The following PHLPP1 variants were observed in gnomAD, a reference collection of about 807,000 sequenced individuals.
The protein encoded by PHLPP1 is PH domain and leucine rich repeat protein phosphatase 1.
In PHLPP1, 42 loss-of-function variants were observed where a neutral mutation model predicts 117.2. The ratio of observed to expected loss-of-function variants is 0.36; its 90% CI spans 0.28 to 0.46. The LOEUF (loss-of-function observed/expected upper bound fraction) is 0.46, where lower values mean the gene tolerates loss of function less well. Among genes scored for constraint, PHLPP1 ranks in the 20% least tolerant of loss-of-function variants. The pLI, the probability that PHLPP1 is intolerant of heterozygous loss-of-function variation, is 1.00. For synonymous variants in PHLPP1, 1,042 were observed against 970.7 expected (o/e 1.07, Z -1.37); for missense variants, 2,084 against 2,241.9 (o/e 0.93, Z 1.42).
intron 12 of PHLPP1, among the ~76,000 whole-genome samples, chr18:62,946,671 G>A (rs1276787616): frequency 6.6e-6 from 1 of 152,218 alleles, no homozygotes; most frequent in African/African-American, 2.4e-5. Context: ...GCATGTGCAC[G>A]TATGCTTTAA....
At chr18:62,778,898 C>T (rs929924752) in intron 1 of PHLPP1, among the ~76,000 whole-genome samples, 8 of 152,196 alleles carry the variant, frequency 5.3e-5, no homozygotes, top group African/African-American at 1.7e-4. Context: ...TAAATTAAGC[C>T]TTCTGACTTC....
intron 2 of PHLPP1, among the ~76,000 whole-genome samples, chr18:62,836,829 A>G (rs1914917982): frequency 6.6e-6 from 1 of 152,072 alleles, no homozygotes; most frequent in African/African-American, 2.4e-5. Flanking sequence ...TGGGAGGCCA[A>G]GGCTGTAATC....
chr18:62,895,532 A>G (rs1916536947), intron 5 of PHLPP1, among the ~76,000 whole-genome samples: 1 of 152,202 alleles, frequency 6.6e-6, no homozygotes, highest in Admixed American at 6.5e-5. Context: ...GTTAGCTCAC[A>G]TTGCTCCCAT....
chr18:62,775,954 A>G (rs984992766), intron 1 of PHLPP1, among the ~76,000 whole-genome samples: 5 of 152,148 alleles, frequency 3.3e-5, no homozygotes, highest in African/African-American at 9.7e-5. Context: ...AATTTATATA[A>G]ATTTCATATA....
chr18:62,826,239 A>G (rs1413645885), intron 1 of PHLPP1: 1 of 428,312 alleles, frequency 2.3e-6, no homozygotes, highest in Non-Finnish European at 4.7e-6. Flanking sequence ...GAACTAGCTT[A>G]CTTACGGAGA....
rs869074450 is a variant in PHLPP1 at position 62,867,817 on chromosome 18, A to AT, written c.2066+7229dup. Among the ~76,000 whole-genome samples, 389 of 144,886 alleles carry AT rather than the reference A, an allele frequency of 2.7e-3. 2 individuals carry two copies. Among genetic ancestry groups the AT allele is most frequent in the African/African-American group, 5.8e-3 (230 of 39,692 alleles). ...AAGAATCTCAAGGTTTAGTATGTGG[A>AT]TTTTTTTTTTTTTAGATGGAGTCTG... On this transcript the variant is annotated intron_variant, in intron 4 of 16. Coordinates refer to ENST00000262719, the MANE Select transcript of PHLPP1 (RefSeq NM_194449.4).
At chr18:62,837,592 C>T (rs1291839463) in intron 2 of PHLPP1, 3 of 151,784 alleles carry the variant, frequency 2.0e-5, no homozygotes, top group African/African-American at 7.3e-5. Context: ...GTTTTCATTT[C>T]ACCAATTGCT....
chr18:62,898,481 C>G (rs1450046669), intron 6 of PHLPP1, among the ~76,000 whole-genome samples: 2 of 152,082 alleles, frequency 1.3e-5, no homozygotes, highest in Non-Finnish European at 1.5e-5. Flanking sequence ...TGTGCAGCCT[C>G]CCAAGCAAGC....
At chr18:62,821,560 A>G (rs1405545300) in intron 1 of PHLPP1, among the ~76,000 whole-genome samples, 2 of 149,726 alleles carry the variant, frequency 1.3e-5, no homozygotes, top group East Asian at 1.9e-4. Flanking sequence ...AAAAAAAAAA[A>G]AAAAAAAAAA....
intron 1 of PHLPP1, among the ~76,000 whole-genome samples, chr18:62,738,259 A>G (rs535838274): frequency 2.8e-4 from 42 of 152,170 alleles, no homozygotes; most frequent in African/African-American, 9.6e-4. Context: ...AGGAGGCTGA[A>G]GTGGGAGGAT....
intron 1 of PHLPP1, among the ~76,000 whole-genome samples, chr18:62,747,282 T>TC (rs1872255816): frequency 6.7e-6 from 1 of 148,550 alleles, no homozygotes; most frequent in Admixed American, 6.7e-5. Context: ...TTTCCTTTTT[T>TC]TTTTTTTTTT....
intron 1 of PHLPP1, among the ~76,000 whole-genome samples, chr18:62,748,818 T>C (rs1911756183): frequency 6.6e-6 from 1 of 152,200 alleles, no homozygotes; most frequent in Admixed American, 6.5e-5. Context: ...TTTGGATTTG[T>C]TTACTTTTGA....
At chr18:62,904,660 C>T (rs1356273951) in intron 7 of PHLPP1, among the ~76,000 whole-genome samples, 1 of 152,168 alleles carries the variant, frequency 6.6e-6, no homozygotes, top group East Asian at 1.9e-4. Flanking sequence ...GACTGGGCAA[C>T]CAGATAGGAG....
chr18:62,750,979 G>A (rs1399661194), intron 1 of PHLPP1, among the ~76,000 whole-genome samples: 1 of 152,162 alleles, frequency 6.6e-6, no homozygotes, highest in African/African-American at 2.4e-5. Context: ...TTTCTCAGGT[G>A]TCCCTGATTC....
In PHLPP1 at chr18:62,887,106, C is replaced by T. The variant is rs1916304592; in HGVS notation, c.2067-7905C>T. 2.6e-5 allele frequency among the ~76,000 whole-genome samples: 4 copies of T among 152,232 alleles called. No homozygotes were observed. The South Asian group carries it at 8.3e-4, about 32-fold the overall frequency. ...ATGAGAATGAAAAGATAGTGCTTTC[C>T]TGAGGCCATTCTTTGACCTGTGGCT... On this transcript the variant is annotated intron_variant, in intron 4 of 16. Transcript: ENST00000262719.
chr18:62,753,938 G>T (rs1351939791), intron 1 of PHLPP1, among the ~76,000 whole-genome samples: 1 of 152,130 alleles, frequency 6.6e-6, no homozygotes, highest in Non-Finnish European at 1.5e-5. Context: ...AGCCCTTTTG[G>T]AGTTGGGTTG....
chr18:62,807,410 C>T (rs1240384208), intron 1 of PHLPP1, among the ~76,000 whole-genome samples: 2 of 152,068 alleles, frequency 1.3e-5, no homozygotes, highest in Non-Finnish European at 1.5e-5. Flanking sequence ...TGCTCTAAGG[C>T]TTATGATTTC....
intron 1 of PHLPP1, among the ~76,000 whole-genome samples, chr18:62,720,432 C>G (rs529938815): frequency 6.6e-6 from 1 of 152,248 alleles, no homozygotes; most frequent in East Asian, 1.9e-4. Flanking sequence ...GAATCTCGGA[C>G]AAGGTATTTT....
intron 4 of PHLPP1, among the ~76,000 whole-genome samples, chr18:62,862,435 G>A (rs1313088566): frequency 6.6e-6 from 1 of 152,120 alleles, no homozygotes; most frequent in African/African-American, 2.4e-5. Context: ...ATGTTGTTAA[G>A]CTTACTGTGG....
Sources: allele counts gnomAD v4.1 joint callset (sites outside exome capture counted in the v4.1 genomes callset), GRCh38; gene constraint gnomAD v4.1.1; transcripts MANE v1.5; gene names NCBI Gene and HGNC (gene_info 2026-07-23, HGNC 2026-07-21).